The following PPM1E variants were observed in gnomAD, a reference collection of about 807,000 sequenced individuals.
PPM1E encodes protein phosphatase 1E.
In PPM1E, 20 loss-of-function variants were observed where a neutral mutation model predicts 65.9. The ratio of observed to expected loss-of-function variants is 0.30; its 90% CI spans 0.21 to 0.44. The LOEUF (loss-of-function observed/expected upper bound fraction) is 0.44, where lower values mean the gene tolerates loss of function less well. Among genes scored for constraint, PPM1E ranks in the 20% least tolerant of loss-of-function variants. The pLI is 1.00. For synonymous variants in PPM1E, 352 were observed against 374.9 expected, an observed-to-expected ratio of 0.94 and a Z score of 0.70; for missense variants, 713 against 953.1, an observed-to-expected ratio of 0.75 and a Z score of 3.32.
chr17:58,864,126 G>A (rs955185530), intron 1 of PPM1E, among the ~76,000 whole-genome samples: 1 of 151,316 alleles, frequency 6.6e-6, no homozygotes, highest in African/African-American at 2.4e-5. Flanking sequence ...GACCAGTCTG[G>A]GCAACATAGT....
chr17:58,976,438 A>C lies in PPM1E; in HGVS notation c.1210+3513A>C, dbSNP rs541120304. 1.6e-3 allele frequency among the ~76,000 whole-genome samples: 249 copies of C among 152,288 alleles called. 4 individuals are homozygous for C. The South Asian group carries it at 0.018, about 11-fold the overall frequency. ...AATTTGAGAAAGAATTGGAAACCAC[A>C]TGGAATAAAATGGGGGGCTGCAAAA... On this transcript the variant is annotated intron_variant, in intron 6 of 6. Coordinates refer to ENST00000308249, the MANE Select transcript of PPM1E (RefSeq NM_014906.5).
intron 1 of PPM1E, among the ~76,000 whole-genome samples, chr17:58,888,357 T>TCA (rs2051304463): frequency 1.5e-5 from 2 of 131,256 alleles, no homozygotes; most frequent in African/African-American, 6.2e-5. Context: ...TTTGGACTCT[T>TCA]CTCTCTTTTT....
In PPM1E at chr17:58,969,655, T is replaced by C. The variant is rs753410722; in HGVS notation, c.900T>C (p.His300=). The change falls in exon 4 of 7, where the codon CAT becomes CAC. Residue 300 remains histidine, a synonymous_variant. Coordinates refer to ENST00000308249, the MANE Select transcript of PPM1E (RefSeq NM_014906.5). The stretch of plus-strand genomic sequence containing the variant: ...TAGTCCGCCAGGAGATGTTCCCCCA[T>C]GATCCTGCTGAGGCCCTGTGCAGGG... ...VNLVRQEMFP[H]DPAEALCRAF... 1.2e-6 allele frequency: 2 copies of C among 1,614,174 alleles called. No individual in the cohort carries two copies. The highest frequency in any genetic ancestry group is 2.7e-5 in the African/African-American group (2 of 75,056).
intron 1 of PPM1E, among the ~76,000 whole-genome samples, chr17:58,778,222 C>T (rs1186088551): frequency 2.0e-5 from 3 of 152,024 alleles, no homozygotes; most frequent in Non-Finnish European, 4.4e-5. Context: ...GCCTCAGCCT[C>T]CTAAGCAGCT....
intron 2 of PPM1E, among the ~76,000 whole-genome samples, chr17:58,959,416 G>A (rs1485577990): frequency 6.6e-6 from 1 of 150,706 alleles, no homozygotes; most frequent in Non-Finnish European, 1.5e-5. Flanking sequence ...TGGCTAACAC[G>A]GTGAAACCCC....
At chr17:58,860,893 C>T (rs953479389) in intron 1 of PPM1E, among the ~76,000 whole-genome samples, 12 of 151,722 alleles carry the variant, frequency 7.9e-5, no homozygotes, top group Admixed American at 1.3e-4. Flanking sequence ...GCCAAGATCA[C>T]GCCACTGCAC....
intron 1 of PPM1E, among the ~76,000 whole-genome samples, chr17:58,813,567 C>T (rs1199294111): frequency 6.6e-6 from 1 of 152,064 alleles, no homozygotes; most frequent in Non-Finnish European, 1.5e-5. Flanking sequence ...CACATTCTGC[C>T]ACAACAGCTG....
chr17:58,879,273 T>TA (rs2051162351), intron 1 of PPM1E, among the ~76,000 whole-genome samples: 1 of 84,162 alleles, frequency 1.2e-5, no homozygotes, highest in Non-Finnish European at 2.5e-5. Context: ...TATCTCCACA[T>TA]ACTATATATA....
At chr17:58,841,282 A>G (rs755714324) in intron 1 of PPM1E, among the ~76,000 whole-genome samples, 10 of 152,194 alleles carry the variant, frequency 6.6e-5, no homozygotes, top group Non-Finnish European at 1.5e-4. Context: ...GGCTGTGCAT[A>G]GTGACTTCCT....
At chr17:58,852,386 A>G (rs1428612118) in intron 1 of PPM1E, among the ~76,000 whole-genome samples, 2 of 152,074 alleles carry the variant, frequency 1.3e-5, no homozygotes, top group Non-Finnish European at 2.9e-5. Context: ...TTATTTGGCC[A>G]TCTTGGAACC....
chr17:58,805,031 C>A (rs1049176292), intron 1 of PPM1E, among the ~76,000 whole-genome samples: 2 of 152,134 alleles, frequency 1.3e-5, no homozygotes, highest in East Asian at 1.9e-4. Context: ...TCCCACCCCC[C>A]ACCATACCCT....
intron 1 of PPM1E, among the ~76,000 whole-genome samples, chr17:58,930,250 T>C (rs12942423): frequency 0.17 from 24,111 of 142,934 alleles, 2,144 homozygotes; most frequent in Non-Finnish European, 0.19. Context: ...TAAATGTATA[T>C]ACACACACAC....
At chr17:58,793,804 A>G (rs563438771) in intron 1 of PPM1E, among the ~76,000 whole-genome samples, 4 of 152,152 alleles carry the variant, frequency 2.6e-5, no homozygotes, top group Admixed American at 2.0e-4. Flanking sequence ...ATCCACATCG[A>G]TAAGTAGAAT....
chr17:58,804,427 A>G (rs1196459594), intron 1 of PPM1E, among the ~76,000 whole-genome samples: 1 of 152,164 alleles, frequency 6.6e-6, no homozygotes, highest in African/African-American at 2.4e-5. Context: ...CTACCAAAAC[A>G]TTATTCTCTA....
At position 58,814,052 on chromosome 17, in the gene PPM1E, AAAT is replaced by A. The variant is rs1186510550; in HGVS notation, c.464+57596_464+57598del. On this transcript the variant is annotated intron_variant, in intron 1 of 6. Coordinates refer to ENST00000308249, the MANE Select transcript of PPM1E (RefSeq NM_014906.5). ...GTAATGGAAATGGAATTAGATAAGT[AAAT>A]AATAGAAAATAGAATGAAACATGTT... 2.6e-5 allele frequency among the ~76,000 whole-genome samples: 4 copies of A among 152,218 alleles called. No homozygotes were observed. In the East Asian group the frequency reaches 7.7e-4, roughly 29 times the overall value.
chr17:58,756,150 T>C lies in PPM1E; in HGVS notation c.153T>C (p.Pro51=), dbSNP rs62637717. The change falls in exon 1 of 7, where the codon CCT becomes CCC. Residue 51 remains proline, a synonymous_variant. Coordinates refer to ENST00000308249, the MANE Select transcript of PPM1E (RefSeq NM_014906.5). ...PEPESEPEPE[P]ELVEAEAAEA... ...CCGAGTCCGAGCCCGAGCCCGAACC[T>C]GAACTGGTAGAAGCTGAGGCGGCCG... is the stretch of plus-strand genomic sequence containing the variant. 4 of 1,594,482 alleles carry C rather than the reference T, an allele frequency of 2.5e-6. No individual in the cohort carries two copies. Among genetic ancestry groups the C allele is most frequent in the East Asian group, 4.5e-5 (2 of 44,322 alleles).
intron 1 of PPM1E, among the ~76,000 whole-genome samples, chr17:58,848,150 A>G (rs369288875): frequency 6.6e-6 from 1 of 152,142 alleles, no homozygotes; most frequent in Non-Finnish European, 1.5e-5. Context: ...CTGAAGTTGC[A>G]TATCAGCTTA....
chr17:58,829,339 G>A (rs545894238), intron 1 of PPM1E, among the ~76,000 whole-genome samples: 2 of 152,276 alleles, frequency 1.3e-5, no homozygotes, highest in African/African-American at 4.8e-5. Flanking sequence ...ACCGTGCCTG[G>A]CCCGTGTTTA....
At chr17:58,886,097 T>C (rs1168499669) in intron 1 of PPM1E, among the ~76,000 whole-genome samples, 1 of 152,144 alleles carries the variant, frequency 6.6e-6, no homozygotes, top group Non-Finnish European at 1.5e-5. Flanking sequence ...CCATTTGTTC[T>C]CCCTTTTCTA....
Sources: allele counts gnomAD v4.1 joint callset (sites outside exome capture counted in the v4.1 genomes callset), GRCh38; gene constraint gnomAD v4.1.1; transcripts MANE v1.5; gene names NCBI Gene and HGNC (gene_info 2026-07-23, HGNC 2026-07-21).